The following RB1 variants were observed in gnomAD, a reference collection of about 807,000 sequenced individuals.
The protein encoded by RB1 is retinoblastoma-associated protein.
A neutral mutation model predicts 135.4 loss-of-function variants in RB1; 18 were observed. That is an observed-to-expected ratio of 0.13 (90% CI 0.09 to 0.20). RB1 has a LOEUF of 0.20. Ranked by LOEUF, RB1 falls within the 10% of genes least tolerant of loss-of-function variation. The pLI is 1.00. For synonymous variants in RB1, 365 were observed against 373.2 expected, an observed-to-expected ratio of 0.98 and a Z score of 0.25; for missense variants, 868 against 1,110.0, an observed-to-expected ratio of 0.78 and a Z score of 3.10.
intron 17 of RB1, among the ~76,000 whole-genome samples, chr13:48,446,437 C>A (rs1385395615): frequency 6.6e-6 from 1 of 152,088 alleles, no homozygotes; most frequent in East Asian, 1.9e-4. Context: ...TAGACAAAGC[C>A]CAAGCCTTCC....
At chr13:48,363,006 G>A (rs747838740) in intron 8 of RB1, 49 bp downstream of exon 8, 1 of 1,592,400 alleles carries the variant, frequency 6.3e-7, no homozygotes, top group Non-Finnish European at 8.6e-7. Context: ...AGATTTAGAT[G>A]TAAGTTCTCC....
intron 17 of RB1, among the ~76,000 whole-genome samples, chr13:48,439,082 A>G (rs1482119684): frequency 6.6e-6 from 1 of 152,188 alleles, no homozygotes; most frequent in African/African-American, 2.4e-5. Flanking sequence ...AGAGGCAGTA[A>G]GCAAAGGAAC....
In RB1 at chr13:48,345,173, G is replaced by A. The variant is rs1319691084; in HGVS notation, c.474G>A (p.Leu158=). 2 of 1,612,480 alleles carry A rather than the reference G, an allele frequency of 1.2e-6. No individual in the cohort carries two copies. Among genetic ancestry groups the A allele is most frequent in the East Asian group, 2.2e-5 (1 of 44,702 alleles). ...MSRLLKKYDV[L]FALFSKLERT... ...GACTGTTGAAGAAGTATGATGTATT[G>A]TTTGCACTCTTCAGCAAATTGGAAA... The change falls in exon 4 of 27, where the codon TTG becomes TTA. Residue 158 remains leucine, a synonymous_variant. Transcript: ENST00000267163.
intron 17 of RB1, among the ~76,000 whole-genome samples, chr13:48,387,231 C>A (rs370635541): frequency 2.0e-5 from 3 of 152,018 alleles, no homozygotes; most frequent in Non-Finnish European, 4.4e-5. Context: ...ATTGTTCTAT[C>A]TTTTTTGTTT....
intron 17 of RB1, among the ~76,000 whole-genome samples, chr13:48,449,144 G>A (rs2138322632): frequency 6.6e-6 from 1 of 151,472 alleles, no homozygotes; most frequent in South Asian, 2.1e-4. Context: ...TCTTCTCCCT[G>A]CATAGTTTCT....
chr13:48,365,642 A>G (rs1038574302), intron 9 of RB1, among the ~76,000 whole-genome samples: 1 of 152,234 alleles, frequency 6.6e-6, no homozygotes, highest in Non-Finnish European at 1.5e-5. Context: ...ATTAGTCACT[A>G]TGACCAAAAG....
In RB1 at chr13:48,319,014, T is replaced by A. The variant is rs1952211406; in HGVS notation, c.264+11608T>A. 5.7e-6 allele frequency: 4 copies of A among 699,294 alleles called. No homozygotes were observed. Among genetic ancestry groups the A allele is most frequent in the Non-Finnish European group, 7.8e-6 (3 of 383,234 alleles). The allele number at this position is 699,294 out of a possible 1,614,324, so 43.3% of individuals were successfully genotyped here. The stretch of plus-strand genomic sequence containing the variant: ...TACATGGGGGCCGGCAGGGTAGTCT[T>A]GGAAATGCCCAAGATTGCTTCCGCG... On this transcript the variant is annotated intron_variant, in intron 2 of 26. Coordinates refer to ENST00000267163, the MANE Select transcript of RB1 (RefSeq NM_000321.3). This position sits in a 1 kb window ranked among gnomAD's most constrained non-coding sequence, Gnocchi z 5.0.
chr13:48,351,362 T>C (rs199884413), intron 6 of RB1, among the ~76,000 whole-genome samples: 2 of 152,216 alleles, frequency 1.3e-5, no homozygotes, highest in African/African-American at 4.8e-5. Context: ...TTCATATGCT[T>C]ATTGGCTGCA....
At chr13:48,333,457 G>A (rs542485753) in intron 2 of RB1, among the ~76,000 whole-genome samples, 26 of 152,092 alleles carry the variant, frequency 1.7e-4, no homozygotes, top group Non-Finnish European at 3.1e-4. Flanking sequence ...TACCTTTTTG[G>A]ATGGATCATT....
At chr13:48,399,431 A>G (rs1000525679) in intron 17 of RB1, among the ~76,000 whole-genome samples, 4 of 152,072 alleles carry the variant, frequency 2.6e-5, no homozygotes, top group African/African-American at 9.6e-5. Flanking sequence ...AAAGAATACA[A>G]ACAAAAAAAG....
At chr13:48,316,324 G>A (rs1952181835) in intron 2 of RB1, among the ~76,000 whole-genome samples, 1 of 141,804 alleles carries the variant, frequency 7.1e-6, no homozygotes, top group Non-Finnish European at 1.5e-5. Context: ...GCTTCCCGAC[G>A]GACACTTTGG....
intron 26 of RB1, 85 bp downstream of exon 26, chr13:48,477,489 A>G: frequency 8.8e-7 from 1 of 1,130,998 alleles, no homozygotes; most frequent in Non-Finnish European, 1.3e-6. Context: ...AAGAATGTAT[A>G]ATTTCTTCAG....
At chr13:48,453,222 A>G (rs1949339891) in intron 18 of RB1, 111 bp downstream of exon 18, 3 of 1,118,160 alleles carry the variant, frequency 2.7e-6, no homozygotes, top group East Asian at 2.4e-5. Context: ...TTGAATAAGA[A>G]TAGTTTCTGT....
intron 17 of RB1, among the ~76,000 whole-genome samples, chr13:48,428,903 C>T (rs1368788082): frequency 6.6e-6 from 1 of 152,148 alleles, no homozygotes; most frequent in Non-Finnish European, 1.5e-5. Context: ...TTAAAGTAAA[C>T]ACTTATTGAC....
intron 7 of RB1, among the ~76,000 whole-genome samples, chr13:48,361,663 A>C (rs1159678692): frequency 6.6e-6 from 1 of 152,170 alleles, no homozygotes; most frequent in Non-Finnish European, 1.5e-5. Context: ...ATAATTAAAA[A>C]ATTTTTTTAC....
In RB1 at chr13:48,317,860, C is replaced by T. The variant is rs1466807918; in HGVS notation, c.264+10454C>T. 2.8e-5 allele frequency: 11 copies of T among 394,458 alleles called. No individual in the cohort carries two copies. In the East Asian group the frequency reaches 6.3e-4, roughly 22 times the overall value. 24.4% of individuals were successfully genotyped at this position (394,458 alleles called of 1,614,324 possible). On this transcript the variant is annotated intron_variant, in intron 2 of 26. Transcript: ENST00000267163. ...AGGCGGTGGGGCCCGCTCCTTCCTG[C>T]ACAGCAACTCTGGCCTGAATGAGCC... is the stretch of plus-strand genomic sequence containing the variant.
chr13:48,465,605 G>A (rs989299302), intron 23 of RB1, among the ~76,000 whole-genome samples: 5 of 152,082 alleles, frequency 3.3e-5, no homozygotes, highest in Admixed American at 1.3e-4. Context: ...CAGCGTGAGC[G>A]ACGCAGAAGA....
chr13:48,347,183 C>CTA (rs1219123335), intron 4 of RB1, among the ~76,000 whole-genome samples: 1 of 151,990 alleles, frequency 6.6e-6, no homozygotes, highest in African/African-American at 2.4e-5. Flanking sequence ...TGAAGGGTAA[C>CTA]TATAGTGGTG....
intron 17 of RB1, among the ~76,000 whole-genome samples, chr13:48,443,305 A>C (rs940034383): frequency 6.6e-6 from 1 of 151,846 alleles, no homozygotes; most frequent in Non-Finnish European, 1.5e-5. Context: ...GTTTTAAAGA[A>C]AGAGTCATAA....
Sources: allele counts gnomAD v4.1 joint callset (sites outside exome capture counted in the v4.1 genomes callset), GRCh38; gene constraint gnomAD v4.1.1; non-coding constraint Gnocchi (gnomAD v3.1); transcripts MANE v1.5; gene names NCBI Gene and HGNC (gene_info 2026-07-23, HGNC 2026-07-21).